Variants in GRM5 observed in about 807,000 individuals in gnomAD.
GRM5 encodes the protein metabotropic glutamate receptor 5.
In GRM5, 19 loss-of-function variants were observed where a neutral mutation model predicts 83.1. That is an observed-to-expected ratio of 0.23 (90% CI 0.16 to 0.34). The LOEUF is 0.34. Ranked by LOEUF, GRM5 falls within the 10% of genes least tolerant of loss-of-function variation. GRM5 has a pLI of 1.00. For synonymous variants in GRM5, 675 were observed against 633.6 expected (o/e 1.07, Z -0.98); for missense variants, 1,160 against 1,588.3 (o/e 0.73, Z 4.58).
At chr11:88,733,561 T>C (rs1258449464) in intron 3 of GRM5, among the ~76,000 whole-genome samples, 1 of 152,018 alleles carries the variant, frequency 6.6e-6, no homozygotes, top group East Asian at 1.9e-4. Flanking sequence ...GAATTTTCTA[T>C]GAGATTTTCT....
intron 2 of GRM5, among the ~76,000 whole-genome samples, chr11:89,030,244 A>C (rs1941229878): frequency 6.6e-6 from 1 of 152,086 alleles, no homozygotes; most frequent in South Asian, 2.1e-4. Context: ...TTTTCAATAA[A>C]AGTGTCTTCA....
At position 88,597,174 on chromosome 11, in the gene GRM5, T is replaced by C; in HGVS notation, c.1563+10A>G. The stretch of plus-strand genomic sequence containing the variant: ...CAACAAAAATGAAAGAAACATAGAT[T>C]CCATTTTACCTTGATCTGGCCTTTC... On this transcript the variant is annotated intron_variant, in intron 6 of 9. Transcript: ENST00000305447. The C allele has an allele frequency of 6.6e-7, 1 of 1,505,490 alleles. No homozygotes were observed. Among genetic ancestry groups the C allele is most frequent in the Non-Finnish European group, 8.9e-7 (1 of 1,121,322 alleles). The allele number at this position is 1,505,490 out of a possible 1,614,324, so 93.3% of individuals were successfully genotyped here.
At chr11:88,649,279 ATATATG>A (rs1411324779) in intron 4 of GRM5, among the ~76,000 whole-genome samples, 846 of 56,910 alleles carry the variant, frequency 0.015, 11 homozygotes, top group East Asian at 0.11. Context: ...TATATATTAT[ATATATG>A]TAATACATAT....
chr11:89,057,716 T>C (rs1941907567), intron 1 of GRM5, among the ~76,000 whole-genome samples: 1 of 152,176 alleles, frequency 6.6e-6, no homozygotes, highest in African/African-American at 2.4e-5. Context: ...TTTCTTGTTA[T>C]TAAGGGTATA....
At chr11:88,854,110 T>C (rs1157437119) in intron 2 of GRM5, among the ~76,000 whole-genome samples, 2 of 145,604 alleles carry the variant, frequency 1.4e-5, no homozygotes, top group African/African-American at 5.2e-5. Context: ...CTAAAAACCC[T>C]AAAAAATGGG....
chr11:89,017,901 T>C (rs1413372424), intron 2 of GRM5, among the ~76,000 whole-genome samples: 1 of 152,116 alleles, frequency 6.6e-6, no homozygotes, highest in Non-Finnish European at 1.5e-5. Flanking sequence ...AATATGCCCA[T>C]CACTAGCACT....
chr11:88,845,286 G>T (rs1207247525), intron 3 of GRM5, among the ~76,000 whole-genome samples: 29 of 149,094 alleles, frequency 1.9e-4, no homozygotes, highest in Admixed American at 1.9e-3. Context: ...CTAGCAAAAA[G>T]AATCTAACCC....
At chr11:88,755,615 T>A (rs1942379911) in intron 3 of GRM5, among the ~76,000 whole-genome samples, 1 of 152,126 alleles carries the variant, frequency 6.6e-6, no homozygotes, top group Admixed American at 6.6e-5. Context: ...TTAAAATAAT[T>A]TATGGAATTG....
At chr11:88,984,503 G>C (rs1939633147) in intron 2 of GRM5, among the ~76,000 whole-genome samples, 1 of 152,042 alleles carries the variant, frequency 6.6e-6, no homozygotes, top group African/African-American at 2.4e-5. Flanking sequence ...GCCTAATGTT[G>C]CATTTTTCAG....
At chr11:88,968,325 T>C (rs1258046551) in intron 2 of GRM5, among the ~76,000 whole-genome samples, 1 of 152,082 alleles carries the variant, frequency 6.6e-6, no homozygotes, top group Non-Finnish European at 1.5e-5. Flanking sequence ...ATGTACAGAA[T>C]AGGCAAATCT....
In GRM5 at chr11:88,910,027, A is replaced by G. The variant is rs112181432; in HGVS notation, c.662-59872T>C. Among the ~76,000 whole-genome samples the G allele has an allele frequency of 3.6e-3, 542 of 152,110 alleles. 4 individuals carry two copies. The highest frequency in any genetic ancestry group is 1.9e-3 in the Non-Finnish European group (126 of 67,950). On this transcript the variant is annotated intron_variant, in intron 2 of 9. Coordinates refer to ENST00000305447, the MANE Select transcript of GRM5 (RefSeq NM_001143831.3). ...AACTATCAGCACTATTTCCAAAATC[A>G]CTTCACCTCAGATGGAAACTCCATC... is the stretch of plus-strand genomic sequence containing the variant.
chr11:88,526,183 A>AG (rs1357699737), intron 8 of GRM5, among the ~76,000 whole-genome samples: 1 of 152,182 alleles, frequency 6.6e-6, no homozygotes, highest in Non-Finnish European at 1.5e-5. Flanking sequence ...TATAATTGGC[A>AG]GTTCACCGCG....
chr11:88,615,378 A>G (rs899435831), intron 4 of GRM5, among the ~76,000 whole-genome samples: 1 of 152,210 alleles, frequency 6.6e-6, no homozygotes, highest in Non-Finnish European at 1.5e-5. Flanking sequence ...TGTATTTTAC[A>G]GAAAGACATC....
At chr11:88,760,789 A>G (rs1942496704) in intron 3 of GRM5, among the ~76,000 whole-genome samples, 1 of 152,194 alleles carries the variant, frequency 6.6e-6, no homozygotes, top group Non-Finnish European at 1.5e-5. Flanking sequence ...CTTCATGAAC[A>G]TTGATGCAAA....
At chr11:88,892,158 T>A in intron 2 of GRM5, among the ~76,000 whole-genome samples, 1 of 342 alleles carries the variant, frequency 2.9e-3, no homozygotes, top group African/African-American at 4.4e-3. Context: ...CAAGAAGTCT[T>A]TTTTTTTTTT....
chr11:88,878,970 G>T (rs1590933135), intron 2 of GRM5, among the ~76,000 whole-genome samples: 1 of 152,068 alleles, frequency 6.6e-6, no homozygotes, highest in Admixed American at 6.6e-5. Flanking sequence ...TGGCGGAGGG[G>T]TTGATGAAAA....
intron 7 of GRM5, among the ~76,000 whole-genome samples, chr11:88,586,816 A>G (rs1419383474): frequency 6.6e-6 from 1 of 152,168 alleles, no homozygotes; most frequent in Non-Finnish European, 1.5e-5. Context: ...ACCCACACAC[A>G]TACACACACT....
chr11:89,059,057 A>G (rs1202013295), intron 1 of GRM5, among the ~76,000 whole-genome samples: 1 of 152,168 alleles, frequency 6.6e-6, no homozygotes, highest in East Asian at 1.9e-4. Context: ...GAATGTAAGA[A>G]GGTTGCATTA....
intron 4 of GRM5, among the ~76,000 whole-genome samples, chr11:88,628,236 G>T (rs1454885611): frequency 6.6e-6 from 1 of 152,142 alleles, no homozygotes; most frequent in Non-Finnish European, 1.5e-5. Flanking sequence ...CTTATCATGT[G>T]TAACCTTGTA....
Sources: gnomAD v4.1 joint callset for allele counts (sites outside exome capture counted in the v4.1 genomes callset) on GRCh38, gnomAD v4.1.1 for gene constraint, MANE v1.5 for transcripts, NCBI Gene and HGNC (gene_info 2026-07-23, HGNC 2026-07-21) for gene names.